Variants in CCSER1 observed in about 807,000 individuals in gnomAD.
The protein encoded by CCSER1 is coiled-coil serine rich protein 1, also known as serine-rich coiled-coil domain-containing protein 1.
In CCSER1, 41 loss-of-function variants were observed where a neutral mutation model predicts 82.0. That is an observed-to-expected ratio of 0.50 (90% CI 0.39 to 0.65). CCSER1 has a LOEUF of 0.65. Among genes scored for constraint, CCSER1 ranks in the 30% least tolerant of loss-of-function variants. CCSER1 has a pLI of 0.00. For missense variants in CCSER1, 1,119 were observed against 1,064.2 expected (o/e 1.05, Z -0.72); for synonymous variants, 414 against 383.9 (o/e 1.08, Z -0.92).
intron 1 of CCSER1, among the ~76,000 whole-genome samples, chr4:90,258,678 T>C (rs952667570): frequency 6.6e-6 from 1 of 152,318 alleles, no homozygotes; most frequent in South Asian, 2.1e-4. Context: ...CAATACACTA[T>C]ACAATTAATA....
chr4:90,138,627 G>A (rs1006332951), intron 1 of CCSER1, among the ~76,000 whole-genome samples: 2 of 152,312 alleles, frequency 1.3e-5, no homozygotes, highest in South Asian at 4.1e-4. Context: ...CCAATTTGGA[G>A]AATGGAGATC....
At chr4:90,761,499 G>A (rs1452775895) in intron 7 of CCSER1, among the ~76,000 whole-genome samples, 1 of 152,102 alleles carries the variant, frequency 6.6e-6, no homozygotes, top group Admixed American at 6.6e-5. Context: ...ACTTGTCCTA[G>A]TCATTTGGCC....
In CCSER1 at chr4:91,485,664, A is replaced by C. The variant is rs1758176481; in HGVS notation, c.2218-112908A>C. Among the ~76,000 whole-genome samples the C allele has an allele frequency of 3.3e-5, 5 of 152,172 alleles. No individual in the cohort carries two copies. The South Asian group carries it at 1.0e-3, about 32-fold the overall frequency. On this transcript the variant is annotated intron_variant, in intron 10 of 10. Transcript: ENST00000509176. ...CTGTGTTGTCAAAACATTTCTGCTC[A>C]GTAACATACTATACTTAAAGAAGAT...
intron 4 of CCSER1, among the ~76,000 whole-genome samples, chr4:90,454,554 A>G (rs528296772): frequency 1.3e-5 from 2 of 152,148 alleles, no homozygotes; most frequent in Non-Finnish European, 2.9e-5. Flanking sequence ...GCCCTCCAGT[A>G]TGCACACCTG....
chr4:91,338,558 G>T (rs2149284764), intron 10 of CCSER1, among the ~76,000 whole-genome samples: 1 of 152,214 alleles, frequency 6.6e-6, no homozygotes, highest in Non-Finnish European at 1.5e-5. Context: ...ATAATGCATA[G>T]ATACAACTTA....
At chr4:90,903,546 C>A (rs1172418442) in intron 8 of CCSER1, among the ~76,000 whole-genome samples, 1 of 152,048 alleles carries the variant, frequency 6.6e-6, no homozygotes, top group Non-Finnish European at 1.5e-5. Flanking sequence ...GAAATCAATA[C>A]CAAAACCACC....
chr4:90,827,230 A>C (rs1332012390), intron 8 of CCSER1, among the ~76,000 whole-genome samples: 1 of 152,198 alleles, frequency 6.6e-6, no homozygotes, highest in Non-Finnish European at 1.5e-5. Context: ...TCTTCTGGTC[A>C]TTGTCATGAT....
intron 10 of CCSER1, among the ~76,000 whole-genome samples, chr4:91,240,142 C>T (rs1739295511): frequency 1.8e-5 from 1 of 54,398 alleles, no homozygotes; most frequent in Non-Finnish European, 3.2e-5. Context: ...GTGGCACGAT[C>T]TTGGCTCACT....
chr4:91,533,228 C>T (rs1006261852), intron 10 of CCSER1, among the ~76,000 whole-genome samples: 14 of 152,172 alleles, frequency 9.2e-5, no homozygotes, highest in Non-Finnish European at 4.4e-5. Flanking sequence ...TTCAACTTTT[C>T]ACCTAATTTT....
intron 10 of CCSER1, among the ~76,000 whole-genome samples, chr4:91,547,278 G>T (rs1446485827): frequency 1.3e-5 from 2 of 152,052 alleles, no homozygotes; most frequent in African/African-American, 4.8e-5. Context: ...TGCTGGATTT[G>T]CATATTTCTG....
At chr4:91,026,553 T>C (rs1234785268) in intron 9 of CCSER1, among the ~76,000 whole-genome samples, 3 of 152,146 alleles carry the variant, frequency 2.0e-5, no homozygotes, top group Non-Finnish European at 2.9e-5. Context: ...CTTTGAAATA[T>C]GTGACTAGAA....
At chr4:90,203,802 C>A (rs1048796476) in intron 1 of CCSER1, among the ~76,000 whole-genome samples, 23 of 152,148 alleles carry the variant, frequency 1.5e-4, no homozygotes, top group Non-Finnish European at 2.2e-4. Flanking sequence ...ACTTACACTC[C>A]CACCAACAGT....
chr4:90,892,755 G>A lies in CCSER1; in HGVS notation c.2095-30615G>A, dbSNP rs572911579. On this transcript the variant is annotated intron_variant, in intron 8 of 10. Transcript: ENST00000509176. ...ATAATCACTTCTATTTCTTAAATGCGTAAATGACTTTATCTTCCATAATAT... is the reference window on the plus strand; with the variant it reads ...ATAATCACTTCTATTTCTTAAATGCATAAATGACTTTATCTTCCATAATAT... 2.5e-4 allele frequency among the ~76,000 whole-genome samples: 38 copies of A among 151,918 alleles called. No homozygotes were observed. The South Asian group carries it at 4.8e-3, about 19-fold the overall frequency.
chr4:90,507,618 C>T (rs1017007576), intron 5 of CCSER1, among the ~76,000 whole-genome samples: 3 of 151,932 alleles, frequency 2.0e-5, no homozygotes, highest in African/African-American at 7.3e-5. Context: ...TTAAGCTATA[C>T]AGCAGTTATT....
chr4:91,560,082 T>G (rs1762584441), intron 10 of CCSER1, among the ~76,000 whole-genome samples: 1 of 151,456 alleles, frequency 6.6e-6, no homozygotes, highest in Admixed American at 6.6e-5. Flanking sequence ...TTTTAAATGC[T>G]AGATACATAT....
intron 10 of CCSER1, among the ~76,000 whole-genome samples, chr4:91,518,400 A>C (rs551693829): frequency 2.4e-4 from 36 of 152,268 alleles, no homozygotes; most frequent in Non-Finnish European, 4.1e-4. Flanking sequence ...CCTTAGGGCA[A>C]CTGCAGCTTT....
At chr4:91,042,799 A>G (rs1231737183) in intron 9 of CCSER1, among the ~76,000 whole-genome samples, 1 of 152,184 alleles carries the variant, frequency 6.6e-6, no homozygotes, top group Non-Finnish European at 1.5e-5. Context: ...AAGTACGTGA[A>G]AAGTGGTAGG....
At chr4:90,957,792 G>A (rs1430903650) in intron 9 of CCSER1, among the ~76,000 whole-genome samples, 1 of 149,654 alleles carries the variant, frequency 6.7e-6, no homozygotes, top group East Asian at 1.9e-4. Context: ...GATGGAGAAC[G>A]CTTGTTTATG....
chr4:90,632,312 C>CTTATTATTACTTATT (rs1724597469), intron 6 of CCSER1, among the ~76,000 whole-genome samples: 1 of 151,964 alleles, frequency 6.6e-6, no homozygotes, highest in Admixed American at 6.6e-5. Context: ...ACTGTAATTG[C>CTTATTATTACTTATT]ATTACTTATT....
Sources: allele counts gnomAD v4.1 joint callset (sites outside exome capture counted in the v4.1 genomes callset), GRCh38; gene constraint gnomAD v4.1.1; transcripts MANE v1.5; gene names NCBI Gene and HGNC (gene_info 2026-07-23, HGNC 2026-07-21).